The following CSMD1 variants were observed in gnomAD, a reference collection of about 807,000 sequenced individuals.
CSMD1 encodes the protein CUB and sushi domain-containing protein 1.
A neutral mutation model predicts 417.5 loss-of-function variants in CSMD1; 213 were observed. The ratio of observed to expected loss-of-function variants is 0.51; its 90% CI spans 0.46 to 0.57. The LOEUF is 0.57. Among genes scored for constraint, CSMD1 ranks in the 20% least tolerant of loss-of-function variants. CSMD1 has a pLI of 0.00. For missense variants in CSMD1, 6,923 were observed against 4,529.7 expected (o/e 1.53, Z -15.17); for synonymous variants, 2,862 against 1,736.8 (o/e 1.65, Z -16.11).
chr8:4,239,492 C>A (rs954075559), intron 3 of CSMD1, among the ~76,000 whole-genome samples: 5 of 152,170 alleles, frequency 3.3e-5, no homozygotes, highest in African/African-American at 1.2e-4. Flanking sequence ...AGATCAGCTG[C>A]CCCACCCCAG....
At position 3,119,128 on chromosome 8, in the gene CSMD1, C is replaced by A. The variant is rs200819177; in HGVS notation, c.6242-541G>T. On this transcript the variant is annotated intron_variant, in intron 41 of 69. Transcript: ENST00000635120. Reference sequence around the variant, plus strand: ...CTGGGAGGTGAAGTTTGCAGTGAGCCGAGATCTTGCCACTGCGCTCCAGCC... The same window carrying A: ...CTGGGAGGTGAAGTTTGCAGTGAGCAGAGATCTTGCCACTGCGCTCCAGCC... 5.3e-5 allele frequency among the ~76,000 whole-genome samples: 8 copies of A among 151,756 alleles called. No individual in the cohort carries two copies. In the East Asian group the frequency reaches 7.8e-4, roughly 15 times the overall value.
chr8:4,312,073 G>C (rs1024559118), intron 3 of CSMD1, among the ~76,000 whole-genome samples: 6 of 152,032 alleles, frequency 3.9e-5, no homozygotes, highest in East Asian at 1.9e-4. Context: ...GAAATACGTA[G>C]AATGTGTGTC....
intron 44 of CSMD1, among the ~76,000 whole-genome samples, 152 bp from the exon 45 acceptor site, chr8:3,107,950 C>T (rs1192534721): frequency 6.6e-6 from 1 of 152,164 alleles, no homozygotes; most frequent in Non-Finnish European, 1.5e-5. Context: ...ATAAAATTCC[C>T]AAGCTTCAAA....
At chr8:3,615,901 A>G (rs1405089772) in intron 8 of CSMD1, among the ~76,000 whole-genome samples, 1 of 152,172 alleles carries the variant, frequency 6.6e-6, no homozygotes, top group Non-Finnish European at 1.5e-5. Flanking sequence ...ACTCACTGAA[A>G]TAAGTGCAAA....
chr8:4,188,552 C>A (rs1798819208), intron 3 of CSMD1, among the ~76,000 whole-genome samples: 1 of 152,100 alleles, frequency 6.6e-6, no homozygotes. Flanking sequence ...GGAATTCAGG[C>A]AGTATGAGGT....
chr8:4,226,598 T>C (rs79725156), intron 3 of CSMD1, among the ~76,000 whole-genome samples: 1,759 of 152,328 alleles, frequency 0.012, 36 homozygotes, highest in African/African-American at 0.041. Context: ...GGCTGTATTT[T>C]TCTGCATTGA....
At chr8:3,869,123 A>G (rs921514340) in intron 5 of CSMD1, among the ~76,000 whole-genome samples, 2 of 152,150 alleles carry the variant, frequency 1.3e-5, no homozygotes, top group African/African-American at 4.8e-5. Context: ...TCACAAGCCA[A>G]GAGCTCCAGC....
intron 27 of CSMD1, among the ~76,000 whole-genome samples, chr8:3,225,320 G>T (rs1264837243): frequency 6.6e-6 from 1 of 151,380 alleles, no homozygotes; most frequent in East Asian, 1.9e-4. Context: ...AAATTCCACA[G>T]ATATACGTTC....
At chr8:4,498,012 C>T (rs921701592) in intron 2 of CSMD1, among the ~76,000 whole-genome samples, 1 of 152,070 alleles carries the variant, frequency 6.6e-6, no homozygotes, top group Non-Finnish European at 1.5e-5. Context: ...GTAAACGTCC[C>T]GCAGCCCCAG....
chr8:4,594,498 C>CTGAAATGTGAGCCACCACACCCACT, intron 2 of CSMD1, among the ~76,000 whole-genome samples: 1 of 151,974 alleles, frequency 6.6e-6, no homozygotes, highest in African/African-American at 2.4e-5. Flanking sequence ...CCACACCCAC[C>CTGAAATGTGAGCCACCACACCCACT]CTGAAATGAT....
rs146307636 is a variant in CSMD1, at chr8:3,926,375, C to A, written c.818+71528G>T. 1.1e-4 allele frequency among the ~76,000 whole-genome samples: 16 copies of A among 149,550 alleles called. 1 individual carries two copies. The highest frequency in any genetic ancestry group is 3.9e-4 in the African/African-American group (16 of 41,230). ...TTATTTTATGTTTTTTCACCAGAAA[C>A]AGGAGGGCAGTAAGATTTTTTCTGT... On this transcript the variant is annotated intron_variant, in intron 5 of 69. Transcript: ENST00000635120.
At chr8:3,314,650 T>TAATC (rs1398929704) in intron 23 of CSMD1, among the ~76,000 whole-genome samples, 1 of 152,250 alleles carries the variant, frequency 6.6e-6, no homozygotes, top group Non-Finnish European at 1.5e-5. Flanking sequence ...CAAAATGTTC[T>TAATC]AATCAAAACA....
chr8:3,272,102 T>G (rs1215563030), intron 26 of CSMD1, among the ~76,000 whole-genome samples: 1 of 148,420 alleles, frequency 6.7e-6, no homozygotes, highest in Non-Finnish European at 1.5e-5. Flanking sequence ...TGAATTGATT[T>G]TTGTATAAGG....
At chr8:3,788,692 C>G (rs1046327019) in intron 5 of CSMD1, among the ~76,000 whole-genome samples, 2 of 152,196 alleles carry the variant, frequency 1.3e-5, no homozygotes, top group African/African-American at 4.8e-5. Context: ...CATCTACAGA[C>G]ACAGTTATGA....
intron 5 of CSMD1, among the ~76,000 whole-genome samples, chr8:3,964,845 G>C (rs1320516299): frequency 6.6e-6 from 1 of 152,128 alleles, no homozygotes; most frequent in Non-Finnish European, 1.5e-5. Flanking sequence ...TTCACTTAGT[G>C]GGGTTTCCAC....
At chr8:3,916,267 G>C (rs1010554303) in intron 5 of CSMD1, among the ~76,000 whole-genome samples, 2 of 152,082 alleles carry the variant, frequency 1.3e-5, no homozygotes, top group South Asian at 4.2e-4. Context: ...CAGGAGCCCA[G>C]AAAGCTTTTG....
chr8:3,819,533 TACACACACACAC>T (rs10566509), intron 5 of CSMD1, among the ~76,000 whole-genome samples: 2 of 82,412 alleles, frequency 2.4e-5, no homozygotes, highest in African/African-American at 5.2e-5. Flanking sequence ...AGGTGATTTC[TACACACACACAC>T]ACACACACAC....
intron 7 of CSMD1, among the ~76,000 whole-genome samples, chr8:3,693,503 G>T (rs945037549): frequency 6.6e-6 from 1 of 152,028 alleles, no homozygotes; most frequent in African/African-American, 2.4e-5. Context: ...GCAGGCAGCC[G>T]CCTGGAGATT....
intron 3 of CSMD1, among the ~76,000 whole-genome samples, chr8:4,114,789 G>A (rs1377372623): frequency 3.3e-5 from 5 of 152,150 alleles, no homozygotes; most frequent in African/African-American, 9.7e-5. Context: ...AGAGGTACCT[G>A]CAGATGTGGT....
Sources: gnomAD v4.1 joint callset for allele counts (sites outside exome capture counted in the v4.1 genomes callset) on GRCh38, gnomAD v4.1.1 for gene constraint, MANE v1.5 for transcripts, NCBI Gene and HGNC (gene_info 2026-07-23, HGNC 2026-07-21) for gene names.